Variants in GRID2 observed in about 807,000 individuals in gnomAD.
The protein encoded by GRID2 is glutamate ionotropic receptor delta type subunit 2, also known as glutamate receptor ionotropic, delta-2.
In GRID2, 33 loss-of-function variants were observed where a neutral mutation model predicts 114.8. The observed-to-expected ratio is 0.29, with a 90% CI of 0.22 to 0.38. The LOEUF (loss-of-function observed/expected upper bound fraction) is 0.38, where lower values mean the gene tolerates loss of function less well. Ranked by LOEUF, GRID2 falls within the 10% of genes least tolerant of loss-of-function variation. The pLI is 1.00. For missense variants in GRID2, 1,184 were observed against 1,257.7 expected, an observed-to-expected ratio of 0.94 and a Z score of 0.89; for synonymous variants, 505 against 449.9, an observed-to-expected ratio of 1.12 and a Z score of -1.55.
rs547268203 is a variant in GRID2 at position 92,713,844 on chromosome 4, A to G, written c.244+123558A>G. Among the ~76,000 whole-genome samples the G allele has an allele frequency of 3.3e-5, 5 of 152,038 alleles. 1 individual carries two copies. Among genetic ancestry groups the G allele is most frequent in the African/African-American group, 1.2e-4 (5 of 41,476 alleles). On this transcript the variant is annotated intron_variant, in intron 2 of 15. Transcript: ENST00000282020. ...TACCTCCCACCAGGTCCCTCCCATA[A>G]CACTTAGGAATTATGGGAGTTACAA...
chr4:93,596,579 A>C (rs138588719), intron 13 of GRID2, among the ~76,000 whole-genome samples: 3,407 of 151,316 alleles, frequency 0.023, 114 homozygotes, highest in African/African-American at 0.077. Flanking sequence ...CTCGGTCTTA[A>C]AAAAAAAAGA....
chr4:93,260,853 A>C (rs1274214805), intron 8 of GRID2, among the ~76,000 whole-genome samples: 1 of 151,828 alleles, frequency 6.6e-6, no homozygotes, highest in Non-Finnish European at 1.5e-5. Context: ...GTGTGGCAAG[A>C]ATTATACTGC....
At chr4:92,569,084 C>A (rs568953851) in intron 1 of GRID2, among the ~76,000 whole-genome samples, 1 of 151,970 alleles carries the variant, frequency 6.6e-6, no homozygotes, top group East Asian at 1.9e-4. Flanking sequence ...AGGTGTTAAG[C>A]CAACATCCAT....
At chr4:92,838,222 G>A (rs1742607848) in intron 2 of GRID2, among the ~76,000 whole-genome samples, 2 of 152,012 alleles carry the variant, frequency 1.3e-5, no homozygotes, top group South Asian at 4.1e-4. Flanking sequence ...GGGTGACTGT[G>A]TATTATACAA....
intron 11 of GRID2, among the ~76,000 whole-genome samples, chr4:93,466,266 T>C (rs1381106327): frequency 6.6e-6 from 1 of 152,200 alleles, no homozygotes. Context: ...ATTTCATTTT[T>C]TATTTTGATA....
intron 14 of GRID2, among the ~76,000 whole-genome samples, chr4:93,678,437 C>A (rs536875803): frequency 0.029 from 4,381 of 151,358 alleles, 94 homozygotes; most frequent in African/African-American, 0.059. Context: ...TGCCACAAAG[C>A]TACTCCTCGA....
intron 2 of GRID2, among the ~76,000 whole-genome samples, chr4:92,933,149 TTA>T (rs896890008): frequency 4.0e-5 from 6 of 150,040 alleles, no homozygotes; most frequent in East Asian, 1.9e-4. Flanking sequence ...ATTTTATACA[TTA>T]TATATATATA....
intron 2 of GRID2, among the ~76,000 whole-genome samples, chr4:93,061,151 G>C (rs1727759796): frequency 6.8e-6 from 1 of 146,498 alleles, no homozygotes; most frequent in South Asian, 2.1e-4. Context: ...AATAGCCATT[G>C]TAGAAATATC....
At chr4:92,386,030 T>C (rs914238450) in intron 1 of GRID2, among the ~76,000 whole-genome samples, 3 of 151,194 alleles carry the variant, frequency 2.0e-5, no homozygotes, top group African/African-American at 7.3e-5. Flanking sequence ...AAGGATTGCT[T>C]TGTGATTTGA....
intron 2 of GRID2, among the ~76,000 whole-genome samples, chr4:92,709,586 AAAAATAT>A (rs1268337810): frequency 1.6e-4 from 21 of 131,684 alleles, no homozygotes; most frequent in Non-Finnish European, 2.8e-4. Context: ...AAAAAAAAAA[AAAAATAT>A]ATATATATAT....
chr4:92,330,631 G>T (rs1003991964), intron 1 of GRID2, among the ~76,000 whole-genome samples: 2 of 151,804 alleles, frequency 1.3e-5, no homozygotes, highest in Admixed American at 1.3e-4. Context: ...ATCTTCTTGT[G>T]GTTTCTATAA....
intron 14 of GRID2, among the ~76,000 whole-genome samples, chr4:93,684,822 G>A (rs1725928643): frequency 6.6e-6 from 1 of 152,008 alleles, no homozygotes; most frequent in Admixed American, 6.6e-5. Context: ...TTTACATGAA[G>A]TACACAAATG....
At chr4:93,263,282 T>C (rs1750453519) in intron 8 of GRID2, among the ~76,000 whole-genome samples, 1 of 152,020 alleles carries the variant, frequency 6.6e-6, no homozygotes, top group Non-Finnish European at 1.5e-5. Flanking sequence ...TTCAATACAG[T>C]CAAATCACTT....
At chr4:93,115,689 A>G (rs1733176206) in intron 4 of GRID2, among the ~76,000 whole-genome samples, 1 of 152,148 alleles carries the variant, frequency 6.6e-6, no homozygotes, top group Non-Finnish European at 1.5e-5. Flanking sequence ...CCTCAGAATC[A>G]TGGTGGAAGG....
intron 2 of GRID2, among the ~76,000 whole-genome samples, chr4:92,625,575 A>G (rs1730480691): frequency 6.6e-6 from 1 of 151,856 alleles, no homozygotes; most frequent in Non-Finnish European, 1.5e-5. Context: ...GCCTGCATTT[A>G]AAAAAACCCA....
intron 2 of GRID2, among the ~76,000 whole-genome samples, chr4:92,711,342 A>G (rs553963227): frequency 1.3e-5 from 2 of 152,240 alleles, no homozygotes; most frequent in East Asian, 1.9e-4. Context: ...TCAACATCTC[A>G]TCTCACTGCA....
intron 14 of GRID2, among the ~76,000 whole-genome samples, chr4:93,698,643 C>A (rs1333559960): frequency 6.6e-6 from 1 of 151,880 alleles, no homozygotes; most frequent in African/African-American, 2.4e-5. Flanking sequence ...TAAAGTGTTG[C>A]AATGTTAAAT....
intron 7 of GRID2, among the ~76,000 whole-genome samples, chr4:93,234,451 G>A (rs1472569516): frequency 6.6e-6 from 1 of 152,024 alleles, no homozygotes; most frequent in African/African-American, 2.4e-5. Context: ...CCCCTAAGAT[G>A]GAGACAGCAT....
At chr4:93,467,388 A>AT (rs1186809044) in intron 11 of GRID2, among the ~76,000 whole-genome samples, 1 of 152,164 alleles carries the variant, frequency 6.6e-6, no homozygotes, top group Non-Finnish European at 1.5e-5. Flanking sequence ...GCCTAAAGTA[A>AT]TTTTTAAGAA....
Sources: allele counts gnomAD v4.1 joint callset (sites outside exome capture counted in the v4.1 genomes callset), GRCh38; gene constraint gnomAD v4.1.1; transcripts MANE v1.5; gene names NCBI Gene and HGNC (gene_info 2026-07-23, HGNC 2026-07-21).